SPIDR: variants seen among roughly 807,000 people sequenced by gnomAD.
The protein encoded by SPIDR is DNA repair-scaffolding protein.
SPIDR carries 93 observed loss-of-function variants against 104.6 expected under a neutral mutation model. The ratio of observed to expected loss-of-function variants is 0.89; its 90% confidence interval spans 0.75 to 1.06. The LOEUF is 1.06. Among genes scored for constraint, SPIDR ranks in the 50% least tolerant of loss-of-function variants. The pLI, the probability that SPIDR is intolerant of heterozygous loss-of-function variation, is 0.00. For synonymous variants in SPIDR, 431 were observed against 416.9 expected (o/e 1.03, Z -0.41); for missense variants, 1,154 against 1,111.2 (o/e 1.04, Z -0.55).
intron 5 of SPIDR, chr8:47,357,822 A>T: frequency 1.0e-6 from 1 of 982,712 alleles, no homozygotes; most frequent in African/African-American, 1.7e-5. Flanking sequence ...GGAGAAAGGA[A>T]AGGAGATCTC....
Position 47,599,098 on chromosome 8 carries a change from C to A in SPIDR, c.1446C>A (p.Val482=). Residue 482 remains valine, a synonymous_variant, in exon 10 of 20, where the codon GTC becomes GTA. Coordinates refer to ENST00000297423, the MANE Select transcript of SPIDR (RefSeq NM_001080394.4). ...QGAASWPGAG[V]RVVVQRVYSL... ...CTGCCTCGTGGCCAGGAGCTGGAGT[C>A]CGAGTGGTGGTGCAAAGAGTGTATT... is the stretch of plus-strand genomic sequence containing the variant. 1 of 1,612,754 alleles carries A rather than the reference C, an allele frequency of 6.2e-7. No individual in the cohort carries two copies. The highest frequency in any genetic ancestry group is 8.5e-7 in the Non-Finnish European group (1 of 1,179,436).
intron 8 of SPIDR, among the ~76,000 whole-genome samples, chr8:47,586,339 G>A (rs776532866): frequency 6.6e-6 from 1 of 152,094 alleles, no homozygotes; most frequent in Non-Finnish European, 1.5e-5. Context: ...CTTTTCCAGA[G>A]TAGTTATACA....
intron 5 of SPIDR, among the ~76,000 whole-genome samples, chr8:47,303,173 G>A (rs1248859842): frequency 6.6e-6 from 1 of 152,214 alleles, no homozygotes; most frequent in Non-Finnish European, 1.5e-5. Context: ...CCTGGCTGCT[G>A]CCTTGCAGTT....
intron 9 of SPIDR, 105 bp downstream of exon 9, chr8:47,596,111 A>C: frequency 1.0e-6 from 1 of 977,484 alleles, no homozygotes; most frequent in South Asian, 1.7e-5. Context: ...GTCTCCCTCC[A>C]AAAACCCCAC....
chr8:47,262,004 C>G (rs959090605), intron 1 of SPIDR, among the ~76,000 whole-genome samples: 2 of 152,230 alleles, frequency 1.3e-5, no homozygotes, highest in African/African-American at 4.8e-5. Context: ...TTTGGAACAT[C>G]CATGATTGTT....
chr8:47,705,468 C>T (rs2080946528), intron 14 of SPIDR, among the ~76,000 whole-genome samples: 1 of 152,180 alleles, frequency 6.6e-6, no homozygotes, highest in Admixed American at 6.5e-5. Flanking sequence ...AAAGAATCAC[C>T]AGAAACCAGC....
rs140268550 is a variant in SPIDR at position 47,480,949 on chromosome 8, C to G, written c.1097+40407C>G. Among the ~76,000 whole-genome samples the G allele has an allele frequency of 9.2e-5, 14 of 152,314 alleles. No homozygotes were observed. In the East Asian group the frequency reaches 2.7e-3, roughly 29 times the overall value. ...TGGAATGTTGATAAAAGCAACCACTCTTTGTTATGAAAGCAAAAAGAGACA... is the reference window on the plus strand; with the variant it reads ...TGGAATGTTGATAAAAGCAACCACTGTTTGTTATGAAAGCAAAAAGAGACA... On this transcript the variant is annotated intron_variant, in intron 8 of 19. Coordinates refer to ENST00000297423, the MANE Select transcript of SPIDR (RefSeq NM_001080394.4).
chr8:47,602,845 T>G lies in SPIDR; in HGVS notation c.1544+3649T>G, dbSNP rs143813741. On this transcript the variant is annotated intron_variant, in intron 10 of 19. Transcript: ENST00000297423. The stretch of plus-strand genomic sequence containing the variant: ...CTGCACTGTGAAACATTATCAGAAA[T>G]AGACTTTACATTTCAGAAATATAGT... 6.2e-4 allele frequency among the ~76,000 whole-genome samples: 94 copies of G among 152,340 alleles called. 1 individual carries two copies. The highest frequency in any genetic ancestry group is 2.2e-3 in the African/African-American group (92 of 41,576).
At chr8:47,649,116 A>C (rs938337276) in intron 10 of SPIDR, among the ~76,000 whole-genome samples, 3 of 152,160 alleles carry the variant, frequency 2.0e-5, no homozygotes, top group Non-Finnish European at 4.4e-5. Flanking sequence ...CAGGATGCAC[A>C]CCTATAGTCC....
At chr8:47,515,207 G>A (rs2082932167) in intron 8 of SPIDR, among the ~76,000 whole-genome samples, 1 of 152,102 alleles carries the variant, frequency 6.6e-6, no homozygotes. Flanking sequence ...TTTTCTATCT[G>A]CCAGTTTCTT....
intron 10 of SPIDR, among the ~76,000 whole-genome samples, chr8:47,603,559 A>AT (rs554738300): frequency 0.026 from 3,422 of 133,548 alleles, 219 homozygotes; most frequent in Admixed American, 0.15. Context: ...TACCCAGCTA[A>AT]TTTTTTTTTT....
chr8:47,565,142 A>G (rs986960653), intron 8 of SPIDR, among the ~76,000 whole-genome samples: 9 of 152,318 alleles, frequency 5.9e-5, no homozygotes, highest in Admixed American at 2.0e-4. Flanking sequence ...GCTGCTTGGG[A>G]GGCCGAGGCA....
intron 8 of SPIDR, among the ~76,000 whole-genome samples, chr8:47,488,491 A>C (rs543121469): frequency 1.2e-4 from 18 of 152,348 alleles, no homozygotes; most frequent in Non-Finnish European, 1.9e-4. Flanking sequence ...AATCCTCCTT[A>C]ACTTATTTTA....
chr8:47,295,540 G>C (rs370561756), intron 5 of SPIDR, among the ~76,000 whole-genome samples: 123 of 151,830 alleles, frequency 8.1e-4, no homozygotes, highest in African/African-American at 2.9e-3. Context: ...CCCCATGTAA[G>C]TAAGATCATG....
At chr8:47,541,926 A>G (rs1161771227) in intron 8 of SPIDR, among the ~76,000 whole-genome samples, 1 of 152,110 alleles carries the variant, frequency 6.6e-6, no homozygotes, top group Non-Finnish European at 1.5e-5. Flanking sequence ...ATGAGACTCC[A>G]TCTCAGAAAA....
rs2061568861 is a variant in SPIDR, at chr8:47,399,189, G to A, written c.776+2563G>A. ...GATAGGGAAGTCCAGGAGAAAACAGGAAACTGCTGAGGCAGGGGAGGGAGG... is the reference window on the plus strand; with the variant it reads ...GATAGGGAAGTCCAGGAGAAAACAGAAAACTGCTGAGGCAGGGGAGGGAGG... On this transcript the variant is annotated intron_variant, in intron 6 of 19. Coordinates refer to ENST00000297423, the MANE Select transcript of SPIDR (RefSeq NM_001080394.4). Among the ~76,000 whole-genome samples the A allele has an allele frequency of 2.0e-5, 3 of 152,324 alleles. No homozygotes were observed. The South Asian group carries it at 6.2e-4, about 32-fold the overall frequency.
chr8:47,487,759 G>C (rs1457120897), intron 8 of SPIDR, among the ~76,000 whole-genome samples: 1 of 152,060 alleles, frequency 6.6e-6, no homozygotes, highest in Non-Finnish European at 1.5e-5. Context: ...ATGACTACTG[G>C]GTACATAACG....
chr8:47,462,023 TTTC>T (rs1478822754), intron 8 of SPIDR, among the ~76,000 whole-genome samples: 3 of 152,078 alleles, frequency 2.0e-5, no homozygotes, highest in South Asian at 2.1e-4. Context: ...GTTTTTCTGG[TTTC>T]TTCTTCTTTG....
intron 5 of SPIDR, among the ~76,000 whole-genome samples, chr8:47,298,231 T>C (rs2041283967): frequency 1.3e-5 from 2 of 152,212 alleles, no homozygotes; most frequent in Admixed American, 1.3e-4. Flanking sequence ...TCTTTTCACG[T>C]GTCTTTTGGC....
Sources: allele counts gnomAD v4.1 joint callset (sites outside exome capture counted in the v4.1 genomes callset), GRCh38; gene constraint gnomAD v4.1.1; transcripts MANE v1.5; gene names NCBI Gene and HGNC (gene_info 2026-07-23, HGNC 2026-07-21).